TSPAN9: variants seen among roughly 807,000 people sequenced by gnomAD.
TSPAN9 encodes tetraspanin-9.
A neutral mutation model predicts 31.0 loss-of-function variants in TSPAN9; 16 were observed. That is an observed-to-expected ratio of 0.52 (90% CI 0.35 to 0.78). The LOEUF is 0.78. Among genes scored for constraint, TSPAN9 ranks in the 30% least tolerant of loss-of-function variants. The pLI, the probability that TSPAN9 is intolerant of heterozygous loss-of-function variation, is 0.01. For missense variants in TSPAN9, 272 were observed against 312.5 expected (o/e 0.87, Z 0.98); for synonymous variants, 145 against 121.6 (o/e 1.19, Z -1.27).
chr12:3,095,696 T>A lies in TSPAN9; in HGVS notation c.-18+11977T>A, dbSNP rs1319110617. Among the ~76,000 whole-genome samples, 160 of 61,622 alleles carry A rather than the reference T, an allele frequency of 2.6e-3. No individual in the cohort carries two copies. The Middle Eastern group carries it at 0.033, about 13-fold the overall frequency. The allele number at this position is 61,622 out of a possible 152,430, so 40.4% of individuals were successfully genotyped here. A position where few individuals can be genotyped will look rare whatever the true frequency, so the allele number is the denominator to read the frequency against. On this transcript the variant is annotated intron_variant, in intron 2 of 8. Coordinates refer to ENST00000011898, the MANE Select transcript of TSPAN9 (RefSeq NM_006675.5). The stretch of plus-strand genomic sequence containing the variant: ...GCAGAGGGGCTCCTCACTTCCCAGA[T>A]GGGGCGGCGGGGCAGAGGCGCTCCC...
At chr12:3,237,112 A>G (rs1417052910) in intron 3 of TSPAN9, among the ~76,000 whole-genome samples, 1 of 152,172 alleles carries the variant, frequency 6.6e-6, no homozygotes, top group Non-Finnish European at 1.5e-5. Flanking sequence ...GCATGGGTAG[A>G]ATGTGTCCAG....
In TSPAN9 at chr12:3,151,530, T is replaced by C. The variant is rs1591649803; in HGVS notation, c.-17-49647T>C. 4 of 152,048 alleles carry C rather than the reference T, an allele frequency of 2.6e-5. No individual in the cohort carries two copies. In the South Asian group the frequency reaches 8.3e-4, roughly 32 times the overall value. The allele number at this position is 152,048 out of a possible 1,614,324, so 9.4% of individuals were successfully genotyped here. On this transcript the variant is annotated intron_variant, in intron 2 of 8. Coordinates refer to ENST00000011898, the MANE Select transcript of TSPAN9 (RefSeq NM_006675.5). ...CCCCCTCCAGCCTTGCCCTCCCACC[T>C]CCCCTCAAGGCAGATGCCACCAGCT...
Position 3,168,511 on chromosome 12 carries a change from T to C in TSPAN9, c.-17-32666T>C, listed in dbSNP as rs986074818. ...GAGGCTGCAAGGGGTAAGAAGAGAG[T>C]GTCACAAGCTGGGAGGTGCCAGAGC... is the stretch of plus-strand genomic sequence containing the variant. On this transcript the variant is annotated intron_variant, in intron 2 of 8. Coordinates refer to ENST00000011898, the MANE Select transcript of TSPAN9 (RefSeq NM_006675.5). This position sits in a 1 kb window ranked among gnomAD's most constrained non-coding sequence, Gnocchi z 4.0. Among the ~76,000 whole-genome samples the C allele has an allele frequency of 6.6e-6, 1 of 151,964 alleles. No individual in the cohort carries two copies. The highest frequency in any genetic ancestry group is 2.4e-5 in the African/African-American group (1 of 41,358).
chr12:3,094,844 A>G (rs1252417504), intron 2 of TSPAN9, among the ~76,000 whole-genome samples: 1 of 123,010 alleles, frequency 8.1e-6, no homozygotes, highest in Non-Finnish European at 1.8e-5. Context: ...AAAAATCAAT[A>G]ATCTTTTTTT....
chr12:3,231,677 G>A (rs2098390858), intron 3 of TSPAN9, among the ~76,000 whole-genome samples: 1 of 152,238 alleles, frequency 6.6e-6, no homozygotes, highest in Admixed American at 6.5e-5. Flanking sequence ...GTTCGCTTTG[G>A]AGCCTGGATG....
At chr12:3,146,872 G>A (rs551900705) in intron 2 of TSPAN9, among the ~76,000 whole-genome samples, 1 of 152,178 alleles carries the variant, frequency 6.6e-6, no homozygotes, top group East Asian at 1.9e-4. Flanking sequence ...TGGGTAGATT[G>A]TAAGCTTTGG....
At chr12:3,211,590 G>A (rs2098378732) in intron 3 of TSPAN9, 9 of 1,129,028 alleles carry the variant, frequency 8.0e-6, no homozygotes, top group Non-Finnish European at 1.2e-6. Context: ...GAAAATTGCT[G>A]TCTTTTTTTT....
intron 2 of TSPAN9, among the ~76,000 whole-genome samples, chr12:3,100,149 C>T (rs965308074): frequency 1.3e-5 from 2 of 152,116 alleles, no homozygotes; most frequent in African/African-American, 4.8e-5. Flanking sequence ...CGGCCAAGGT[C>T]TGTCCACTCT....
intron 3 of TSPAN9, among the ~76,000 whole-genome samples, chr12:3,212,327 A>G (rs149869818): frequency 0.013 from 1,954 of 152,312 alleles, 21 homozygotes; most frequent in South Asian, 0.039. Flanking sequence ...ATTTCTATTC[A>G]TGAACATGGT....
At chr12:3,256,602 T>C (rs566662673) in intron 3 of TSPAN9, among the ~76,000 whole-genome samples, 2 of 152,344 alleles carry the variant, frequency 1.3e-5, no homozygotes, top group African/African-American at 4.8e-5. Flanking sequence ...TTCGGCCTTG[T>C]TGGCTGATTG....
At chr12:3,155,454 C>T (rs887209166) in intron 2 of TSPAN9, among the ~76,000 whole-genome samples, 4 of 152,096 alleles carry the variant, frequency 2.6e-5, no homozygotes, top group Non-Finnish European at 4.4e-5. Flanking sequence ...ATCTTCCAGG[C>T]CTGGTGTGGT....
intron 3 of TSPAN9, among the ~76,000 whole-genome samples, chr12:3,213,566 T>G (rs1027542700): frequency 3.3e-5 from 5 of 152,106 alleles, no homozygotes; most frequent in Non-Finnish European, 5.9e-5. Flanking sequence ...TGGTACTGAG[T>G]GCACGAGGTG....
At chr12:3,218,910 C>T (rs1418196221) in intron 3 of TSPAN9, among the ~76,000 whole-genome samples, 1 of 152,162 alleles carries the variant, frequency 6.6e-6, no homozygotes, top group East Asian at 1.9e-4. Flanking sequence ...TAGCTGGAGC[C>T]CCCCAAAGAG....
At chr12:3,176,268 C>T (rs78184637) in intron 2 of TSPAN9, among the ~76,000 whole-genome samples, 9,885 of 152,220 alleles carry the variant, frequency 0.065, 1,094 homozygotes, top group African/African-American at 0.22. Context: ...GGGAGCCCAG[C>T]GATTGGAGAA....
At chr12:3,219,093 C>G (rs932164642) in intron 3 of TSPAN9, among the ~76,000 whole-genome samples, 1 of 152,198 alleles carries the variant, frequency 6.6e-6, no homozygotes, top group Non-Finnish European at 1.5e-5. Context: ...GGTGGCCCTT[C>G]CCACCCGTGG....
intron 3 of TSPAN9, among the ~76,000 whole-genome samples, chr12:3,244,585 C>G (rs984568495): frequency 5.3e-5 from 8 of 152,174 alleles, no homozygotes; most frequent in Non-Finnish European, 1.0e-4. Context: ...CTCGAGCCAC[C>G]TCACGCCCCA....
chr12:3,118,256 G>GTGTTTT, intron 2 of TSPAN9, among the ~76,000 whole-genome samples: 1 of 31,564 alleles, frequency 3.2e-5, no homozygotes, highest in African/African-American at 8.7e-5. Flanking sequence ...TGCACCCGCC[G>GTGTTTT]TTTTTTTTTT....
At chr12:3,203,262 TGTACCCTGCAC>T (rs2098373065) in intron 3 of TSPAN9, among the ~76,000 whole-genome samples, 1 of 152,180 alleles carries the variant, frequency 6.6e-6, no homozygotes, top group Non-Finnish European at 1.5e-5. Context: ...TACAGTGATC[TGTACCCTGCAC>T]GTTGTAGGCC....
intron 2 of TSPAN9, among the ~76,000 whole-genome samples, chr12:3,130,484 C>G (rs2098329348): frequency 1.3e-5 from 2 of 152,292 alleles, no homozygotes; most frequent in South Asian, 4.2e-4. Context: ...TGACGGACAG[C>G]AGAGGGTGGG....
Sources: gnomAD v4.1 joint callset for allele counts (sites outside exome capture counted in the v4.1 genomes callset) on GRCh38, gnomAD v4.1.1 for gene constraint, Gnocchi (gnomAD v3.1) non-coding constraint, MANE v1.5 for transcripts, NCBI Gene and HGNC (gene_info 2026-07-23, HGNC 2026-07-21) for gene names.